The following CDH9 variants were observed in gnomAD, a reference collection of about 807,000 sequenced individuals.
The protein encoded by CDH9 is cadherin 9.
In CDH9, 28 loss-of-function variants were observed where a neutral mutation model predicts 70.9. The observed-to-expected ratio is 0.40, with a 90% confidence interval of 0.29 to 0.54. The LOEUF (loss-of-function observed/expected upper bound fraction) is 0.54, where lower values mean the gene tolerates loss of function less well. Ranked by LOEUF, CDH9 falls within the 20% of genes least tolerant of loss-of-function variation. CDH9 has a pLI of 0.59. For missense variants in CDH9, 874 were observed against 984.4 expected (o/e 0.89, Z 1.50); for synonymous variants, 409 against 343.1 (o/e 1.19, Z -2.12).
At chr5:26,934,998 A>G (rs2112028572) in intron 2 of CDH9, among the ~76,000 whole-genome samples, 1 of 152,190 alleles carries the variant, frequency 6.6e-6, no homozygotes, top group South Asian at 2.1e-4. Flanking sequence ...AAAATAAATT[A>G]TCAGATATAA....
At chr5:26,892,126 G>T (rs1335480649) in intron 7 of CDH9, among the ~76,000 whole-genome samples, 1 of 152,080 alleles carries the variant, frequency 6.6e-6, no homozygotes, top group Non-Finnish European at 1.5e-5. Flanking sequence ...GGCAGCAATA[G>T]AAATCTAATA....
intron 1 of CDH9, among the ~76,000 whole-genome samples, chr5:27,030,847 T>G (rs1290781940): frequency 6.6e-6 from 1 of 151,834 alleles, no homozygotes; most frequent in East Asian, 1.9e-4. Flanking sequence ...TTAAATATAG[T>G]GAGAGTAATT....
rs1284092473 is a variant in CDH9 at position 26,917,053 on chromosome 5, A to T, written c.229-1129T>A. On this transcript the variant is annotated intron_variant, in intron 2 of 11. Transcript: ENST00000231021. ...TACAACAAACAGACCATGTAATCCT[A>T]GGAATTACGAATTGAAAAACAACCT... is the stretch of plus-strand genomic sequence containing the variant. Among the ~76,000 whole-genome samples, 27 of 152,008 alleles carry T rather than the reference A, an allele frequency of 1.8e-4. 1 individual carries two copies. The highest frequency in any genetic ancestry group is 1.8e-3 in the Admixed American group (27 of 15,248).
intron 1 of CDH9, among the ~76,000 whole-genome samples, chr5:26,990,468 C>T (rs2112094244): frequency 6.6e-6 from 1 of 152,262 alleles, no homozygotes; most frequent in East Asian, 1.9e-4. Flanking sequence ...GCTGAAATCT[C>T]AGGTCATGGT....
chr5:26,962,477 G>A (rs143216561), intron 2 of CDH9, among the ~76,000 whole-genome samples: 6 of 152,262 alleles, frequency 3.9e-5, no homozygotes, highest in African/African-American at 1.2e-4. Context: ...ATCATCTCCA[G>A]CATCTGATGT....
intron 2 of CDH9, among the ~76,000 whole-genome samples, chr5:26,968,743 C>G (rs1484279961): frequency 6.6e-6 from 1 of 150,732 alleles, no homozygotes; most frequent in Non-Finnish European, 1.5e-5. Flanking sequence ...AGGGAAGCTT[C>G]TAGAATTCAA....
At chr5:26,922,361 C>T (rs988795104) in intron 2 of CDH9, among the ~76,000 whole-genome samples, 3 of 151,828 alleles carry the variant, frequency 2.0e-5, no homozygotes, top group Middle Eastern at 3.2e-3. Flanking sequence ...AAACAACATA[C>T]AAAGGGGCTT....
intron 7 of CDH9, among the ~76,000 whole-genome samples, chr5:26,902,181 A>G (rs1740865691): frequency 6.6e-6 from 1 of 151,922 alleles, no homozygotes; most frequent in Admixed American, 6.6e-5. Context: ...TTACTTAAGT[A>G]CTTGGTGCCT....
chr5:26,979,121 A>G (rs35326624), intron 2 of CDH9, among the ~76,000 whole-genome samples: 4,455 of 151,722 alleles, frequency 0.029, 83 homozygotes, highest in South Asian at 0.039. Flanking sequence ...CTTTATTTCT[A>G]AAAGTTTTAA....
intron 2 of CDH9, among the ~76,000 whole-genome samples, chr5:26,930,090 A>G (rs1248751308): frequency 6.6e-6 from 1 of 152,120 alleles, no homozygotes; most frequent in Non-Finnish European, 1.5e-5. Flanking sequence ...GCCTGTATCA[A>G]AATATCTCAT....
rs1740877060 is a variant in CDH9 at position 26,902,668 on chromosome 5, G to A, written c.1061C>T (p.Pro354Leu). 2 of 1,581,712 alleles carry A rather than the reference G, an allele frequency of 1.3e-6. No individual in the cohort carries two copies. Among genetic ancestry groups the A allele is most frequent in the Non-Finnish European group, 1.7e-6 (2 of 1,151,044 alleles). ...TCCCAGGTGTAAGAATCGTGGATCAGGGTGAGTGTTACTTGCATCCACTCT... is the reference window on the plus strand; with the variant it reads ...TCCCAGGTGTAAGAATCGTGGATCAAGGTGAGTGTTACTTGCATCCACTCT... ...TLRVDASNTHPDPRFLHLGPF... is the reference protein window; with the variant it reads ...TLRVDASNTHLDPRFLHLGPF... Residue 354 changes from proline to leucine, a missense_variant, in exon 7 of 12, where the codon CCT becomes CTT. Physicochemically the swap from Pro to Leu is moderately conservative, Grantham distance 98. Transcript: ENST00000231021.
chr5:27,009,462 C>T (rs965703954), intron 1 of CDH9, among the ~76,000 whole-genome samples: 1 of 152,064 alleles, frequency 6.6e-6, no homozygotes, highest in African/African-American at 2.4e-5. Context: ...TGCCAGCCCC[C>T]CTAATCTGGG....
At chr5:26,964,868 A>T (rs1742102754) in intron 2 of CDH9, among the ~76,000 whole-genome samples, 1 of 134,112 alleles carries the variant, frequency 7.5e-6, no homozygotes, top group East Asian at 2.3e-4. Flanking sequence ...CCTGCTTATG[A>T]GTGAGAACAT....
intron 2 of CDH9, among the ~76,000 whole-genome samples, chr5:26,972,144 C>T (rs777079694): frequency 6.6e-5 from 10 of 152,022 alleles, no homozygotes; most frequent in African/African-American, 1.4e-4. Flanking sequence ...TTAGGGAAAA[C>T]GTACTGTAGT....
At chr5:26,939,444 A>G (rs1741620862) in intron 2 of CDH9, among the ~76,000 whole-genome samples, 1 of 151,532 alleles carries the variant, frequency 6.6e-6, no homozygotes. Flanking sequence ...AGAAAAGTAT[A>G]TATACATATA....
intron 2 of CDH9, among the ~76,000 whole-genome samples, chr5:26,952,692 G>A (rs1741873062): frequency 6.8e-6 from 1 of 147,864 alleles, no homozygotes. Flanking sequence ...ATGAGGGCTT[G>A]GTCCTCATGA....
rs1740871558 is a variant in CDH9 at position 26,902,397 on chromosome 5, A to C, written c.1253+79T>G. The C allele has an allele frequency of 7.4e-6, 7 of 944,652 alleles. No homozygotes were observed. The South Asian group carries it at 9.7e-5, about 13-fold the overall frequency. 58.5% of individuals were successfully genotyped at this position (944,652 alleles called of 1,614,324 possible). On this transcript the variant is annotated intron_variant, in intron 7 of 11. Coordinates refer to ENST00000231021, the MANE Select transcript of CDH9 (RefSeq NM_016279.4). The stretch of plus-strand genomic sequence containing the variant: ...TACTGTGCTTGATTATACATTGTGC[A>C]ACCATTTTTTCACACAGTTTGTAAA...
At chr5:26,935,478 G>A (rs1741543128) in intron 2 of CDH9, among the ~76,000 whole-genome samples, 2 of 152,058 alleles carry the variant, frequency 1.3e-5, no homozygotes, top group South Asian at 2.1e-4. Flanking sequence ...GATTGTTCCT[G>A]TACAAAATCT....
intron 1 of CDH9, among the ~76,000 whole-genome samples, chr5:27,035,333 T>C (rs1430113277): frequency 6.6e-6 from 1 of 151,482 alleles, no homozygotes; most frequent in Non-Finnish European, 1.5e-5. Context: ...GATAATGTCA[T>C]GGGTATTGAG....
Sources: gnomAD v4.1 joint callset for allele counts (sites outside exome capture counted in the v4.1 genomes callset) on GRCh38, gnomAD v4.1.1 for gene constraint, MANE v1.5 for transcripts, NCBI Gene and HGNC (gene_info 2026-07-23, HGNC 2026-07-21) for gene names.